Variants in DDX31 observed in about 807,000 individuals in gnomAD.
The protein encoded by DDX31 is DEAD-box helicase 31.
In DDX31, 70 loss-of-function variants were observed where a neutral mutation model predicts 91.3. The observed-to-expected ratio is 0.77, with a 90% CI of 0.63 to 0.94. DDX31 has a LOEUF of 0.94. DDX31 is among the 40% of genes least tolerant of loss of function. The pLI, the probability that DDX31 is intolerant of heterozygous loss-of-function variation, is 0.00. For missense variants in DDX31, 902 were observed against 925.0 expected (o/e 0.98, Z 0.32); for synonymous variants, 362 against 350.6 (o/e 1.03, Z -0.36).
intron 11 of DDX31, among the ~76,000 whole-genome samples, chr9:132,647,437 A>G (rs1253807980): frequency 1.3e-5 from 2 of 152,166 alleles, no homozygotes; most frequent in African/African-American, 4.8e-5. Context: ...TATTGTGTTA[A>G]TGTGCCCTGA....
At chr9:132,628,597 A>C (rs983769588) in intron 16 of DDX31, among the ~76,000 whole-genome samples, 1 of 152,230 alleles carries the variant, frequency 6.6e-6, no homozygotes, top group Non-Finnish European at 1.5e-5. Context: ...AAAAATGAAG[A>C]GAGCAGAGAG....
chr9:132,613,581 C>T (rs1193890271), intron 18 of DDX31, among the ~76,000 whole-genome samples: 2 of 152,148 alleles, frequency 1.3e-5, no homozygotes, highest in African/African-American at 2.4e-5. Context: ...GTAATCCCGG[C>T]TACTCAGGAG....
chr9:132,622,486 G>A (rs925919113), intron 17 of DDX31, among the ~76,000 whole-genome samples: 4 of 152,190 alleles, frequency 2.6e-5, no homozygotes, highest in Non-Finnish European at 2.9e-5. Flanking sequence ...CTCTGGGGAC[G>A]TGTCCTTCAG....
intron 18 of DDX31, among the ~76,000 whole-genome samples, chr9:132,613,436 G>C (rs1831460262): frequency 6.6e-6 from 1 of 152,312 alleles, no homozygotes; most frequent in Middle Eastern, 3.4e-3. Flanking sequence ...GCTCAAGCCT[G>C]TAATCCCAGC....
intron 6 of DDX31, among the ~76,000 whole-genome samples, chr9:132,653,387 G>A (rs749753176): frequency 6.6e-5 from 10 of 150,404 alleles, no homozygotes; most frequent in African/African-American, 1.9e-4. Context: ...CCAGCTCTTC[G>A]GGAGGCTGAG....
chr9:132,655,760 A>G (rs1377427822), intron 6 of DDX31, among the ~76,000 whole-genome samples: 2 of 152,236 alleles, frequency 1.3e-5, no homozygotes, highest in African/African-American at 2.4e-5. Context: ...AAAGACACTG[A>G]ATGAATGAAC....
chr9:132,616,582 A>C (rs1408420071), intron 18 of DDX31, among the ~76,000 whole-genome samples: 3 of 152,214 alleles, frequency 2.0e-5, no homozygotes, highest in Non-Finnish European at 4.4e-5. Context: ...ATTCAGCAGC[A>C]CAACACCTTG....
chr9:132,623,285 C>T (rs1005829263), intron 17 of DDX31, among the ~76,000 whole-genome samples: 1 of 150,408 alleles, frequency 6.6e-6, no homozygotes, highest in Admixed American at 6.6e-5. Context: ...AGGCCGGGTG[C>T]AGTGGCTCAT....
chr9:132,629,313 T>G (rs1262134540), intron 16 of DDX31, among the ~76,000 whole-genome samples: 3 of 151,942 alleles, frequency 2.0e-5, no homozygotes, highest in Non-Finnish European at 4.4e-5. Context: ...CAACCAGGAG[T>G]AGTTTCCTGC....
At position 132,662,829 on chromosome 9, in the gene DDX31, C is replaced by T. The variant is rs375671627; in HGVS notation, c.76-134G>A. The T allele has an allele frequency of 8.1e-5, 100 of 1,235,684 alleles. 2 individuals are homozygous for T. In the East Asian group the frequency reaches 1.3e-3, roughly 16 times the overall value. 76.5% of individuals were successfully genotyped at this position (1,235,684 alleles called of 1,614,324 possible). A position where few individuals can be genotyped will look rare whatever the true frequency, so the allele number is the denominator to read the frequency against. On this transcript the variant is annotated intron_variant, in intron 1 of 19. Coordinates refer to ENST00000372159, the MANE Select transcript of DDX31 (RefSeq NM_022779.9). ...TCATTATGCCCCATATGTCAAGCAA[C>T]AGTTTAGGGTTTGCAATCAGACTCT...
intron 4 of DDX31, among the ~76,000 whole-genome samples, chr9:132,660,902 A>G (rs1373349467): frequency 4.6e-5 from 7 of 152,198 alleles, no homozygotes; most frequent in Non-Finnish European, 7.3e-5. Flanking sequence ...ACATGGTCAC[A>G]TGCTATATTT....
chr9:132,630,575 T>C (rs73659425), intron 15 of DDX31, among the ~76,000 whole-genome samples, 172 bp from the exon 16 acceptor site: 125 of 152,312 alleles, frequency 8.2e-4, no homozygotes, highest in African/African-American at 2.7e-3. Flanking sequence ...CCTGGCTTCA[T>C]TGGAAATAAC....
chr9:132,661,324 G>A, intron 3 of DDX31, 73 bp from the exon 4 acceptor site: 2 of 1,264,218 alleles, frequency 1.6e-6, no homozygotes, highest in East Asian at 2.3e-5. Context: ...CACAAGAAAG[G>A]AGAAACTATT....
chr9:132,655,758 T>C (rs1745994928), intron 6 of DDX31, among the ~76,000 whole-genome samples: 1 of 152,186 alleles, frequency 6.6e-6, no homozygotes, highest in African/African-American at 2.4e-5. Flanking sequence ...TCAAAGACAC[T>C]GAATGAATGA....
intron 1 of DDX31, among the ~76,000 whole-genome samples, chr9:132,666,343 A>G (rs1199718404): frequency 6.6e-6 from 1 of 151,932 alleles, no homozygotes; most frequent in Non-Finnish European, 1.5e-5. Context: ...TTAATTTTTG[A>G]TAAGTTAAAA....
At chr9:132,624,148 C>T (rs1404206722) in intron 17 of DDX31, among the ~76,000 whole-genome samples, 3 of 117,006 alleles carry the variant, frequency 2.6e-5, no homozygotes, top group Admixed American at 2.5e-4. Context: ...GCATGGGCGA[C>T]AGAGCGAGAC....
intron 4 of DDX31, among the ~76,000 whole-genome samples, chr9:132,660,335 C>CA (rs773583376): frequency 0.026 from 1,454 of 55,034 alleles, 28 homozygotes; most frequent in Admixed American, 0.11. Context: ...AACTCCGTCT[C>CA]AAAAAAAAAA....
At chr9:132,624,646 T>A (rs1313398312) in intron 17 of DDX31, among the ~76,000 whole-genome samples, 3 of 152,166 alleles carry the variant, frequency 2.0e-5, no homozygotes, top group African/African-American at 7.2e-5. Context: ...CATCTATAAA[T>A]TGGGGCCATC....
At chr9:132,635,624 AC>A (rs1188913645) in intron 14 of DDX31, among the ~76,000 whole-genome samples, 2 of 151,110 alleles carry the variant, frequency 1.3e-5, no homozygotes, top group African/African-American at 4.9e-5. Flanking sequence ...TTTTTGAAAA[AC>A]AATAATACTA....
Sources: allele counts gnomAD v4.1 joint callset (sites outside exome capture counted in the v4.1 genomes callset), GRCh38; gene constraint gnomAD v4.1.1; transcripts MANE v1.5; gene names NCBI Gene and HGNC (gene_info 2026-07-23, HGNC 2026-07-21).